GRIK1: variants seen among roughly 807,000 people sequenced by gnomAD.
GRIK1 encodes glutamate ionotropic receptor kainate type subunit 1.
GRIK1 carries 69 observed loss-of-function variants against 105.7 expected under a neutral mutation model. The ratio of observed to expected loss-of-function variants is 0.65; its 90% confidence interval spans 0.54 to 0.80. The LOEUF (loss-of-function observed/expected upper bound fraction) is 0.80. GRIK1 is among the 30% of genes least tolerant of loss of function. The pLI is 0.00. For missense variants in GRIK1, 1,109 were observed against 1,167.3 expected (o/e 0.95, Z 0.73); for synonymous variants, 438 against 431.3 (o/e 1.02, Z -0.19).
intron 1 of GRIK1, among the ~76,000 whole-genome samples, chr21:29,925,178 A>C (rs1432546894): frequency 2.0e-5 from 3 of 152,230 alleles, no homozygotes; most frequent in Non-Finnish European, 2.9e-5. Flanking sequence ...GCTATCTATA[A>C]CATCACATTG....
intron 4 of GRIK1, among the ~76,000 whole-genome samples, chr21:29,668,651 T>A (rs2063104936): frequency 6.6e-6 from 1 of 152,208 alleles, no homozygotes; most frequent in South Asian, 2.1e-4. Flanking sequence ...TATTAAAAGT[T>A]ATTTGGTCAC....
chr21:29,835,075 G>A (rs1324496089), intron 1 of GRIK1, among the ~76,000 whole-genome samples: 3 of 152,008 alleles, frequency 2.0e-5, no homozygotes, highest in African/African-American at 4.8e-5. Flanking sequence ...ACATGCTAAT[G>A]TCCTCTGTTT....
intron 9 of GRIK1, chr21:29,596,227 A>G: frequency 2.1e-6 from 1 of 483,492 alleles, no homozygotes; most frequent in Non-Finnish European, 3.8e-6. Context: ...TCCTTCTGTT[A>G]CAGTTGCCTG....
chr21:29,675,050 G>GT (rs1327675902), intron 3 of GRIK1, among the ~76,000 whole-genome samples: 2 of 152,134 alleles, frequency 1.3e-5, no homozygotes. Flanking sequence ...TTTGTTATTT[G>GT]TAATATGTGT....
chr21:29,614,678 G>A (rs55774580), intron 7 of GRIK1, among the ~76,000 whole-genome samples: 2 of 151,192 alleles, frequency 1.3e-5, no homozygotes, highest in Non-Finnish European at 2.9e-5. Context: ...CTCCCAAAGT[G>A]TTGGGATTAC....
chr21:29,790,616 T>A (rs1158900746), intron 1 of GRIK1, among the ~76,000 whole-genome samples: 1 of 151,848 alleles, frequency 6.6e-6, no homozygotes, highest in East Asian at 1.9e-4. Flanking sequence ...CCACCATGCC[T>A]GTATTTTTGT....
intron 16 of GRIK1, among the ~76,000 whole-genome samples, chr21:29,546,980 C>G (rs926013218): frequency 6.6e-6 from 1 of 152,210 alleles, no homozygotes; most frequent in Non-Finnish European, 1.5e-5. Flanking sequence ...AGAAGAAACA[C>G]TAAGTTACAC....
intron 4 of GRIK1, among the ~76,000 whole-genome samples, chr21:29,655,618 T>C (rs2062833776): frequency 6.6e-6 from 1 of 152,164 alleles, no homozygotes; most frequent in Non-Finnish European, 1.5e-5. Flanking sequence ...TACTGGTATG[T>C]AGATATGTTT....
chr21:29,619,121 G>A (rs544186990), intron 7 of GRIK1, among the ~76,000 whole-genome samples: 129 of 78,182 alleles, frequency 1.6e-3, no homozygotes, highest in African/African-American at 7.8e-3. Flanking sequence ...GCGAGACTCC[G>A]TCAAAAAAAA....
In GRIK1 at chr21:29,673,026, A is replaced by G. The variant is rs765002689; in HGVS notation, c.683T>C (p.Ile228Thr). Reference sequence around the variant, plus strand: ...GGCTGTTTCATGTGAACAATCAAATATCACATAGAACTCCTTGCCTTTCTT... The same window carrying G: ...GGCTGTTTCATGTGAACAATCAAATGTCACATAGAACTCCTTGCCTTTCTT... ...EMKKGKEFYVIFDCSHETAAE... is the reference protein window; with the variant it reads ...EMKKGKEFYVTFDCSHETAAE... Residue 228 changes from isoleucine to threonine, a missense_variant, in exon 4 of 18, where the codon ATA becomes ACA. Physicochemically the swap from Ile to Thr is moderately conservative, Grantham distance 89. Coordinates refer to ENST00000327783, the MANE Select transcript of GRIK1 (RefSeq NM_001330994.2). The G allele has an allele frequency of 6.2e-7, 1 of 1,613,412 alleles. No homozygotes were observed. Among genetic ancestry groups the G allele is most frequent in the Non-Finnish European group, 8.5e-7 (1 of 1,179,468 alleles).
chr21:29,726,291 A>G (rs1481090530), intron 1 of GRIK1, among the ~76,000 whole-genome samples: 2 of 152,212 alleles, frequency 1.3e-5, no homozygotes, highest in Non-Finnish European at 2.9e-5. Context: ...AGGGTTTTGT[A>G]AAAGCACTCT....
chr21:29,724,291 A>G (rs1259697026), intron 1 of GRIK1, among the ~76,000 whole-genome samples: 2 of 152,200 alleles, frequency 1.3e-5, no homozygotes, highest in Non-Finnish European at 2.9e-5. Flanking sequence ...GTGGGGAAAA[A>G]GACCTACATC....
chr21:29,889,097 T>G (rs1157648082), intron 1 of GRIK1, among the ~76,000 whole-genome samples: 1 of 152,166 alleles, frequency 6.6e-6, no homozygotes, highest in African/African-American at 2.4e-5. Context: ...TAAAATCTTC[T>G]TACTTGAAAC....
At chr21:29,937,909 G>GT (rs34203553) in intron 1 of GRIK1, among the ~76,000 whole-genome samples, 11 of 151,216 alleles carry the variant, frequency 7.3e-5, no homozygotes, top group African/African-American at 1.5e-4. Context: ...ATAGTAGTAA[G>GT]TTTTTTTTTA....
intron 1 of GRIK1, among the ~76,000 whole-genome samples, chr21:29,918,484 T>C (rs1569217612): frequency 6.6e-6 from 1 of 152,122 alleles, no homozygotes; most frequent in Non-Finnish European, 1.5e-5. Flanking sequence ...AGAATGTTCA[T>C]AATCAGGCTC....
intron 1 of GRIK1, among the ~76,000 whole-genome samples, chr21:29,787,707 A>C (rs555481833): frequency 1.3e-5 from 2 of 152,256 alleles, no homozygotes; most frequent in Non-Finnish European, 2.9e-5. Context: ...TTTAGCCTAT[A>C]GACGCACCAC....
intron 4 of GRIK1, among the ~76,000 whole-genome samples, chr21:29,662,910 C>T (rs1171471174): frequency 6.6e-6 from 1 of 152,010 alleles, no homozygotes; most frequent in Non-Finnish European, 1.5e-5. Flanking sequence ...TTGATAGTTA[C>T]TAAAAACTCC....
chr21:29,873,543 C>T (rs2832468), intron 1 of GRIK1, among the ~76,000 whole-genome samples: 11,647 of 152,184 alleles, frequency 0.077, 462 homozygotes, highest in African/African-American at 0.11. Context: ...TCTTGGTTTC[C>T]GGCACAAAGA....
At chr21:29,892,254 G>A (rs1175353226) in intron 1 of GRIK1, among the ~76,000 whole-genome samples, 2 of 152,160 alleles carry the variant, frequency 1.3e-5, no homozygotes, top group Non-Finnish European at 2.9e-5. Flanking sequence ...GCTAGCCAGA[G>A]GAAGTGACTT....
Sources: gnomAD v4.1 joint callset for allele counts (sites outside exome capture counted in the v4.1 genomes callset) on GRCh38, gnomAD v4.1.1 for gene constraint, MANE v1.5 for transcripts, NCBI Gene and HGNC (gene_info 2026-07-23, HGNC 2026-07-21) for gene names.